HSD17B12: variants seen among roughly 807,000 people sequenced by gnomAD.
The protein encoded by HSD17B12 is very-long-chain 3-oxoacyl-CoA reductase.
HSD17B12 carries 32 observed loss-of-function variants against 39.3 expected under a neutral mutation model. The ratio of observed to expected loss-of-function variants is 0.81; its 90% CI spans 0.61 to 1.09. The LOEUF (loss-of-function observed/expected upper bound fraction) is 1.09, where lower values mean the gene tolerates loss of function less well. Among genes scored for constraint, HSD17B12 ranks in the 50% least tolerant of loss-of-function variants. The probability of loss-of-function intolerance (pLI) is 0.00; values close to 1 mark genes in which losing one functional copy is unlikely to be tolerated. For synonymous variants in HSD17B12, 150 were observed against 146.7 expected (o/e 1.02, Z -0.16); for missense variants, 342 against 382.9 (o/e 0.89, Z 0.89).
the HSD17B12 span, among the ~76,000 whole-genome samples, chr11:43,610,862 G>T: frequency 6.6e-6 from 1 of 152,164 alleles, no homozygotes; most frequent in Non-Finnish European, 1.5e-5. Context: ...CTCATCTATA[G>T]ATAATACCCA....
At chr11:43,794,969 T>G (rs1413775352) in intron 3 of HSD17B12, among the ~76,000 whole-genome samples, 1 of 152,122 alleles carries the variant, frequency 6.6e-6, no homozygotes, top group African/African-American at 2.4e-5. Flanking sequence ...TTTGGTAAAG[T>G]GCTTATTCTT....
At chr11:43,652,969 C>G in the HSD17B12 span, among the ~76,000 whole-genome samples, 2 of 152,070 alleles carry the variant, frequency 1.3e-5, no homozygotes, top group African/African-American at 2.4e-5. Context: ...GATTCTTGGG[C>G]TCTCTGGCAG....
the HSD17B12 span, among the ~76,000 whole-genome samples, chr11:43,665,934 G>C: frequency 6.6e-6 from 1 of 152,244 alleles, no homozygotes; most frequent in African/African-American, 2.4e-5. Context: ...AACCCACGGA[G>C]TAGACAAGTT....
intron 1 of HSD17B12, among the ~76,000 whole-genome samples, chr11:43,747,647 T>C (rs1950424383): frequency 2.0e-5 from 3 of 152,196 alleles, no homozygotes; most frequent in Non-Finnish European, 4.4e-5. Context: ...AGGCTCCTAG[T>C]TAAGCCTACT....
chr11:43,560,621 C>T, the HSD17B12 span, among the ~76,000 whole-genome samples: 3,780 of 152,256 alleles, frequency 0.025, 166 homozygotes, highest in African/African-American at 0.086. Context: ...GAATTCTGTA[C>T]GCATGGGCTA....
In HSD17B12 at chr11:43,847,715, C is replaced by CAAAAAAAAAAAAAAAAAAA. The variant is rs749195210; in HGVS notation, c.685-6982_685-6981insAAAAAAAAAAAAAAAAAAA. ...GGTGGCAGAGCAAGACTCTGCCTCA[C>CAAAAAAAAAAAAAAAAAAA]AAAAAAAAAAAAAAAAAAGAGAAAT... On this transcript the variant is annotated intron_variant, in intron 9 of 10. Transcript: ENST00000278353. Among the ~76,000 whole-genome samples the CAAAAAAAAAAAAAAAAAAA allele has an allele frequency of 2.1e-4, 18 of 85,696 alleles. 1 individual carries two copies. Among genetic ancestry groups the CAAAAAAAAAAAAAAAAAAA allele is most frequent in the African/African-American group, 8.6e-4 (18 of 20,918 alleles). 56.2% of individuals were successfully genotyped at this position (85,696 alleles called of 152,430 possible).
chr11:43,736,815 G>C (rs995576134), intron 1 of HSD17B12, among the ~76,000 whole-genome samples: 2 of 152,130 alleles, frequency 1.3e-5, no homozygotes, highest in African/African-American at 4.8e-5. Context: ...TTAAGACTAC[G>C]TTAGCATTTG....
intron 6 of HSD17B12, among the ~76,000 whole-genome samples, chr11:43,824,726 C>A (rs956355404): frequency 6.6e-6 from 1 of 152,152 alleles, no homozygotes; most frequent in Non-Finnish European, 1.5e-5. Flanking sequence ...TTGGGCGCAG[C>A]GGCTCACGCC....
chr11:43,801,866 A>G (rs916109115), intron 4 of HSD17B12, among the ~76,000 whole-genome samples: 5 of 152,126 alleles, frequency 3.3e-5, no homozygotes, highest in Non-Finnish European at 1.5e-5. Context: ...AGTGGGGGAT[A>G]GTTTTCTGCA....
intron 1 of HSD17B12, among the ~76,000 whole-genome samples, chr11:43,698,951 G>A (rs1385849987): frequency 6.6e-6 from 1 of 152,058 alleles, no homozygotes; most frequent in Non-Finnish European, 1.5e-5. Context: ...ATTTTTTAAA[G>A]CAATTTTTGT....
the HSD17B12 span, among the ~76,000 whole-genome samples, chr11:43,573,966 C>T: frequency 7.2e-5 from 11 of 152,186 alleles, no homozygotes; most frequent in Admixed American, 2.0e-4. Context: ...GAACCAGGGC[C>T]GCCTCCCTCT....
chr11:43,768,806 A>C (rs557365751), intron 3 of HSD17B12, among the ~76,000 whole-genome samples: 76 of 152,202 alleles, frequency 5.0e-4, no homozygotes, highest in African/African-American at 1.8e-3. Flanking sequence ...TTATTCTCTT[A>C]TTTGGCCCCG....
chr11:43,706,566 T>C (rs1196147664), intron 1 of HSD17B12, among the ~76,000 whole-genome samples: 3 of 152,168 alleles, frequency 2.0e-5, no homozygotes. Context: ...GACCTCAGTC[T>C]GTGAAGACTT....
intron 6 of HSD17B12, among the ~76,000 whole-genome samples, chr11:43,820,397 G>A (rs1951170468): frequency 6.6e-6 from 1 of 152,224 alleles, no homozygotes; most frequent in African/African-American, 2.4e-5. Flanking sequence ...ACTCTTTGGT[G>A]CTGCTGTGAT....
chr11:43,561,608 G>T, the HSD17B12 span, among the ~76,000 whole-genome samples: 1 of 152,136 alleles, frequency 6.6e-6, no homozygotes, highest in Admixed American at 6.5e-5. Flanking sequence ...GGGACTTTGA[G>T]AGTTTTTGAG....
intron 1 of HSD17B12, among the ~76,000 whole-genome samples, chr11:43,703,229 C>G (rs987156788): frequency 2.0e-5 from 3 of 152,132 alleles, no homozygotes; most frequent in Admixed American, 1.3e-4. Flanking sequence ...GAGTCTCGCT[C>G]TGTCACCCAG....
intron 2 of HSD17B12, 114 bp from the exon 3 acceptor site, chr11:43,753,932 G>T: frequency 3.3e-6 from 2 of 603,242 alleles, no homozygotes; most frequent in Non-Finnish European, 5.8e-6. Flanking sequence ...ATTACACTTG[G>T]GTTTATATTT....
intron 1 of HSD17B12, among the ~76,000 whole-genome samples, chr11:43,710,884 G>T (rs1950058729): frequency 6.6e-6 from 1 of 152,108 alleles, no homozygotes; most frequent in Admixed American, 6.6e-5. Flanking sequence ...TCCACCTCCT[G>T]GGTTCAAGTG....
At chr11:43,654,452 A>G in the HSD17B12 span, among the ~76,000 whole-genome samples, 1 of 151,964 alleles carries the variant, frequency 6.6e-6, no homozygotes, top group Non-Finnish European at 1.5e-5. Context: ...TTGGTGTTTT[A>G]GACATGAAGT....
Sources: gnomAD v4.1 joint callset for allele counts (sites outside exome capture counted in the v4.1 genomes callset) on GRCh38, gnomAD v4.1.1 for gene constraint, MANE v1.5 for transcripts, NCBI Gene and HGNC (gene_info 2026-07-23, HGNC 2026-07-21) for gene names.